Variants in ATMIN observed in about 807,000 individuals in gnomAD.
The protein encoded by ATMIN is ATM INteracting protein.
In ATMIN, 24 loss-of-function variants were observed where a neutral mutation model predicts 49.2. That is an observed-to-expected ratio of 0.49 (90% CI 0.35 to 0.69). ATMIN has a LOEUF of 0.69. Ranked by LOEUF, ATMIN falls within the 30% of genes least tolerant of loss-of-function variation. The pLI is 0.00. For synonymous variants in ATMIN, 450 were observed against 392.5 expected, an observed-to-expected ratio of 1.15 and a Z score of -1.73; for missense variants, 1,037 against 1,005.5, an observed-to-expected ratio of 1.03 and a Z score of -0.42.
rs1971062651 is a variant in ATMIN, at chr16:81,043,152, T to G, written c.663-9T>G. The G allele has an allele frequency of 6.3e-7, 1 of 1,586,032 alleles. No individual in the cohort carries two copies. The highest frequency in any genetic ancestry group is 2.2e-5 in the East Asian group (1 of 44,720). On this transcript the variant is annotated splice_polypyrimidine_tract_variant and intron_variant, in intron 3 of 3. Coordinates refer to ENST00000299575, the MANE Select transcript of ATMIN (RefSeq NM_015251.3). Reference sequence around the variant, plus strand: ...TAAGGTTTTCTTTTTGCTCTGTCATTGTTTTCAGGGACCCACCTAGTAAGA... The same window carrying G: ...TAAGGTTTTCTTTTTGCTCTGTCATGGTTTTCAGGGACCCACCTAGTAAGA...
At position 81,043,147 on chromosome 16, in the gene ATMIN, G is replaced by C; in HGVS notation, c.663-14G>C. Reference sequence around the variant, plus strand: ...TATTTTAAGGTTTTCTTTTTGCTCTGTCATTGTTTTCAGGGACCCACCTAG... The same window carrying C: ...TATTTTAAGGTTTTCTTTTTGCTCTCTCATTGTTTTCAGGGACCCACCTAG... On this transcript the variant is annotated splice_polypyrimidine_tract_variant and intron_variant, in intron 3 of 3. Transcript: ENST00000299575. 1.3e-6 allele frequency: 2 copies of C among 1,582,844 alleles called. No individual in the cohort carries two copies. Among genetic ancestry groups the C allele is most frequent in the Non-Finnish European group, 1.7e-6 (2 of 1,169,628 alleles).
chr16:81,043,596 A>G lies in ATMIN; in HGVS notation c.1098A>G (p.Leu366=). The G allele has an allele frequency of 2.5e-6, 4 of 1,614,156 alleles. No homozygotes were observed. The highest frequency in any genetic ancestry group is 3.4e-6 in the Non-Finnish European group (4 of 1,180,040). The change falls in exon 4 of 4, where the codon CTA becomes CTG. Residue 366 remains leucine (L), a synonymous_variant. Transcript: ENST00000299575. ...AGGCTTGCTCTCTTAAGGAGAGCCT[A>G]CCTCTTTTCAAAATTGCTAATCCTA... is the stretch of plus-strand genomic sequence containing the variant. The part of the protein sequence containing the change: ...DSEACSLKES[L]PLFKIANPIA...
At position 81,036,145 on chromosome 16, in the gene ATMIN, G is replaced by A. The variant is rs762365855; in HGVS notation, c.275G>A (p.Gly92Asp). Residue 92 changes from glycine (G) to aspartate (D), a missense_variant, in exon 1 of 4, where the codon GGC becomes GAC. Coordinates refer to ENST00000299575, the MANE Select transcript of ATMIN (RefSeq NM_015251.3). Reference protein sequence around the residue: ...TNILCTVRGCGKILPNSPALN... With the variant: ...TNILCTVRGCDKILPNSPALN... ...ATCCTGTGCACCGTGCGCGGCTGCG[G>A]CAAGATCCTGCCCAACAGCCCCGCG... The A allele has an allele frequency of 6.8e-7, 1 of 1,469,586 alleles. No individual in the cohort carries two copies. Among genetic ancestry groups the A allele is most frequent in the Non-Finnish European group, 9.1e-7 (1 of 1,103,742 alleles). 91.0% of individuals were successfully genotyped at this position (1,469,586 alleles called of 1,614,324 possible).
intron 3 of ATMIN, among the ~76,000 whole-genome samples, 194 bp from the exon 4 acceptor site, chr16:81,042,967 T>G (rs951784510): frequency 1.3e-5 from 2 of 152,178 alleles, no homozygotes; most frequent in African/African-American, 4.8e-5. Flanking sequence ...CTTCTCTGTT[T>G]GCATGTTTCT....
At chr16:81,038,538 C>G (rs1349552703) in intron 1 of ATMIN, among the ~76,000 whole-genome samples, 2 of 152,086 alleles carry the variant, frequency 1.3e-5, no homozygotes, top group Non-Finnish European at 2.9e-5. Context: ...ACCGCAGTGC[C>G]CAGTGGCCCC....
chr16:81,040,578 A>G (rs1379307940), intron 1 of ATMIN: 1 of 152,242 alleles, frequency 6.6e-6, no homozygotes, highest in Non-Finnish European at 1.5e-5. Context: ...AGAAGATACA[A>G]ATAAATCTCT....
intron 1 of ATMIN, among the ~76,000 whole-genome samples, chr16:81,036,787 T>G (rs554033439): frequency 6.6e-6 from 1 of 152,258 alleles, no homozygotes; most frequent in East Asian, 1.9e-4. Context: ...CACTCTGACT[T>G]GATCACTATG....
intron 1 of ATMIN, among the ~76,000 whole-genome samples, chr16:81,038,587 TTGTC>T (rs1436935364): frequency 6.6e-6 from 1 of 152,148 alleles, no homozygotes; most frequent in African/African-American, 2.4e-5. Context: ...TTAATGAAGG[TTGTC>T]TGTGTGATGC....
chr16:81,043,019 G>A (rs932456003), intron 3 of ATMIN, 142 bp from the exon 4 acceptor site: 19 of 1,039,370 alleles, frequency 1.8e-5, no homozygotes, highest in East Asian at 5.4e-5. Context: ...CCAGAGTTGC[G>A]AAAGAATGGA....
At position 81,041,007 on chromosome 16, in the gene ATMIN, G is replaced by A. The variant is rs575591269; in HGVS notation, c.337-349G>A. 6.7e-5 allele frequency: 15 copies of A among 222,854 alleles called. No individual in the cohort carries two copies. In the South Asian group the frequency reaches 8.5e-4, roughly 13 times the overall value. 13.8% of individuals were successfully genotyped at this position (222,854 alleles called of 1,614,324 possible). On this transcript the variant is annotated intron_variant, in intron 1 of 3. Transcript: ENST00000299575. ...GAAAGGATTACCGAGCTTCACTGAC[G>A]ATGTGTTTGAAATGAGCAGGAATCT...
intron 3 of ATMIN, among the ~76,000 whole-genome samples, chr16:81,042,739 C>G (rs547681876): frequency 6.6e-6 from 1 of 152,288 alleles, no homozygotes; most frequent in African/African-American, 2.4e-5. Context: ...TTGAAAATCT[C>G]AGCTTCCAGA....
At chr16:81,038,749 T>A (rs566599031) in intron 1 of ATMIN, among the ~76,000 whole-genome samples, 93 of 152,188 alleles carry the variant, frequency 6.1e-4, no homozygotes, top group Non-Finnish European at 9.0e-4. Context: ...GCCTCCCCAG[T>A]AGCTGAGACT....
At chr16:81,041,648 G>A in intron 2 of ATMIN, 167 bp downstream of exon 2, 1 of 783,282 alleles carries the variant, frequency 1.3e-6, no homozygotes, top group South Asian at 2.0e-5. Context: ...CAAGTGGAGG[G>A]AAAAGCGGCA....
rs982959674 is a variant in ATMIN at position 81,046,924 on chromosome 16, T to G, written c.*1954T>G. The G allele has an allele frequency of 6.6e-6, 1 of 152,638 alleles. No individual in the cohort carries two copies. The highest frequency in any genetic ancestry group is 2.4e-5 in the African/African-American group (1 of 41,448). 9.5% of individuals were successfully genotyped at this position (152,638 alleles called of 1,614,324 possible). A position where few individuals can be genotyped will look rare whatever the true frequency, so the allele number is the denominator to read the frequency against. ...GTCACAGTTGCCTATGAGTGTGGGT[T>G]TCAAAAGAAACATAAAGCCTTAACT... is the stretch of plus-strand genomic sequence containing the variant. On this transcript the variant is annotated 3_prime_UTR_variant, in exon 4 of 4. Coordinates refer to ENST00000299575, the MANE Select transcript of ATMIN (RefSeq NM_015251.3).
intron 1 of ATMIN, among the ~76,000 whole-genome samples, chr16:81,036,749 A>G (rs189897291): frequency 3.9e-5 from 6 of 152,354 alleles, no homozygotes; most frequent in African/African-American, 1.4e-4. Context: ...CCAAGAGACA[A>G]TACGTTTGAG....
chr16:81,045,155 A>T lies in ATMIN; in HGVS notation c.*185A>T, dbSNP rs1971098112. Reference sequence around the variant, plus strand: ...TTGCGTATAAATGTGAGTGTATTATAAAGTTTGAGATGTTGATCTAAATTG... The same window carrying T: ...TTGCGTATAAATGTGAGTGTATTATTAAGTTTGAGATGTTGATCTAAATTG... On this transcript the variant is annotated 3_prime_UTR_variant, in exon 4 of 4. Coordinates refer to ENST00000299575, the MANE Select transcript of ATMIN (RefSeq NM_015251.3). 5 of 741,822 alleles carry T rather than the reference A, an allele frequency of 6.7e-6. No individual in the cohort carries two copies. Among genetic ancestry groups the T allele is most frequent in the Non-Finnish European group, 1.0e-5 (5 of 487,444 alleles). The allele number at this position is 741,822 out of a possible 1,614,324, so 46.0% of individuals were successfully genotyped here.
In ATMIN at chr16:81,044,326, C is replaced by T. The variant is rs772805437; in HGVS notation, c.1828C>T (p.Arg610Cys). 5.6e-6 allele frequency: 9 copies of T among 1,614,024 alleles called. No individual in the cohort carries two copies. Among genetic ancestry groups the T allele is most frequent in the South Asian group, 2.2e-5 (2 of 91,082 alleles). The change falls in exon 4 of 4, where the codon CGT becomes TGT. Residue 610 changes from arginine to cysteine, a missense_variant. Coordinates refer to ENST00000299575, the MANE Select transcript of ATMIN (RefSeq NM_015251.3). ...TCTGCCTGCTCAGACATTGGATCAT[C>T]GTAGTCTTTTGTCTGACACAAATCC... is the stretch of plus-strand genomic sequence containing the variant. ...SNLPAQTLDH[R>C]SLLSDTNPGP...
chr16:81,041,156 T>A, intron 1 of ATMIN, 200 bp from the exon 2 acceptor site: 2 of 523,724 alleles, frequency 3.8e-6, no homozygotes, highest in Non-Finnish European at 6.8e-6. Context: ...AATGCAGAAT[T>A]TTAGAGTCTT....
At chr16:81,041,789 G>A (rs894340820) in intron 2 of ATMIN, 5 of 245,700 alleles carry the variant, frequency 2.0e-5, no homozygotes, top group Non-Finnish European at 3.9e-5. Flanking sequence ...AGGGCCCAGC[G>A]CAAAGGCACA....
Sources: gnomAD v4.1 joint callset for allele counts (sites outside exome capture counted in the v4.1 genomes callset) on GRCh38, gnomAD v4.1.1 for gene constraint, MANE v1.5 for transcripts, NCBI Gene and HGNC (gene_info 2026-07-23, HGNC 2026-07-21) for gene names.